The following SYNCRIP variants were observed in gnomAD, a reference collection of about 807,000 sequenced individuals.
The protein encoded by SYNCRIP is synaptotagmin binding cytoplasmic RNA interacting protein.
SYNCRIP carries 9 observed loss-of-function variants against 68.9 expected under a neutral mutation model. The observed-to-expected ratio is 0.13, with a 90% confidence interval of 0.08 to 0.23. SYNCRIP has a LOEUF of 0.23. Ranked by LOEUF, SYNCRIP falls within the 10% of genes least tolerant of loss-of-function variation. The pLI is 1.00. For missense variants in SYNCRIP, 414 were observed against 770.6 expected (o/e 0.54, Z 5.48); for synonymous variants, 258 against 254.0 (o/e 1.02, Z -0.15).
chr6:85,622,982 T>C (rs571332195), intron 7 of SYNCRIP, among the ~76,000 whole-genome samples: 24 of 152,236 alleles, frequency 1.6e-4, no homozygotes, highest in Non-Finnish European at 2.8e-4. Context: ...TTTCATATAA[T>C]TGTTCTAAGA....
intron 6 of SYNCRIP, among the ~76,000 whole-genome samples, chr6:85,626,484 C>A (rs754299991): frequency 2.9e-4 from 44 of 152,134 alleles, no homozygotes; most frequent in Non-Finnish European, 5.0e-4. Context: ...CTGGTATTTT[C>A]CAAATGTTCT....
intron 1 of SYNCRIP, 105 bp from the exon 2 acceptor site, chr6:85,641,556 G>C: frequency 8.8e-7 from 1 of 1,136,332 alleles, no homozygotes; most frequent in Non-Finnish European, 1.2e-6. Flanking sequence ...ACACCAGCTA[G>C]CCTATACCTC....
downstream of SYNCRIP, chr6:85,613,051 A>G (rs1305142181): frequency 6.2e-6 from 7 of 1,135,058 alleles, no homozygotes; most frequent in Non-Finnish European, 8.1e-6. Flanking sequence ...TAGCCAAAAA[A>G]GTTGCCTTTA....
chr6:85,640,753 C>G (rs886177214), intron 2 of SYNCRIP, among the ~76,000 whole-genome samples, 189 bp from the exon 3 acceptor site: 1 of 151,732 alleles, frequency 6.6e-6, no homozygotes, highest in Non-Finnish European at 1.5e-5. Context: ...CCCTACCAAC[C>G]ACACTTACAA....
intron 4 of SYNCRIP, 60 bp downstream of exon 4, chr6:85,640,161 A>T (rs1808962066): frequency 1.7e-6 from 2 of 1,174,864 alleles, no homozygotes; most frequent in Non-Finnish European, 2.5e-6. Flanking sequence ...AGGAATATTT[A>T]CCAAAATTAG....
In SYNCRIP at chr6:85,614,897, C is replaced by T; in HGVS notation, c.1731G>A (p.Arg577=). ...ADGYNQPDSK[R]RQTNNQNWGS... ...CCCAGTTCTGATTATTGGTCTGGCG[C>T]CGCTTGGAATCTGGCTGGTTGTACC... is the stretch of plus-strand genomic sequence containing the variant. Residue 577 remains arginine (R), a synonymous_variant, in exon 11 of 11, where the codon CGG becomes CGA. Coordinates refer to ENST00000369622, the MANE Select transcript of SYNCRIP (RefSeq NM_006372.5). 1 of 1,614,196 alleles carries T rather than the reference C, an allele frequency of 6.2e-7. No individual in the cohort carries two copies. Among genetic ancestry groups the T allele is most frequent in the Non-Finnish European group, 8.5e-7 (1 of 1,180,046 alleles).
intron 8 of SYNCRIP, among the ~76,000 whole-genome samples, chr6:85,620,851 A>C (rs997096360): frequency 2.6e-5 from 4 of 152,196 alleles, no homozygotes; most frequent in African/African-American, 9.6e-5. Context: ...ATAATTACCA[A>C]TTAGTAATTA....
At chr6:85,630,477 T>C (rs2128293749) in intron 6 of SYNCRIP, among the ~76,000 whole-genome samples, 1 of 152,362 alleles carries the variant, frequency 6.6e-6, no homozygotes, top group East Asian at 1.9e-4. Flanking sequence ...TTTAAGATTG[T>C]CATGGAATTG....
chr6:85,629,564 C>T (rs899231450), intron 6 of SYNCRIP, among the ~76,000 whole-genome samples: 10 of 149,500 alleles, frequency 6.7e-5, no homozygotes, highest in African/African-American at 2.0e-4. Flanking sequence ...TGGCTCATGC[C>T]TGTAATCCCA....
At chr6:85,612,000 C>G (rs1197613146), downstream of SYNCRIP, 1 of 152,146 alleles carries the variant, frequency 6.6e-6, no homozygotes, top group Non-Finnish European at 1.5e-5. Flanking sequence ...ACAAAAGTAA[C>G]ATCTTGCTAA....
At chr6:85,634,472 G>C (rs1196081754) in intron 6 of SYNCRIP, among the ~76,000 whole-genome samples, 6 of 152,144 alleles carry the variant, frequency 3.9e-5, no homozygotes, top group African/African-American at 1.4e-4. Flanking sequence ...CAGCACATAC[G>C]GGGGACTGAT....
chr6:85,636,704 A>C (rs1562109187), intron 6 of SYNCRIP, among the ~76,000 whole-genome samples: 1 of 152,208 alleles, frequency 6.6e-6, no homozygotes, highest in Non-Finnish European at 1.5e-5. Context: ...ATTTAAACAA[A>C]CACACAAAAA....
chr6:85,611,373 A>G (rs1805227638), downstream of SYNCRIP: 1 of 152,578 alleles, frequency 6.6e-6, no homozygotes, highest in South Asian at 2.1e-4. Context: ...GTTTGCCATG[A>G]GCATTTTGAA....
chr6:85,619,084 A>G (rs994602008), intron 9 of SYNCRIP, 145 bp from the exon 10 acceptor site: 25 of 1,168,674 alleles, frequency 2.1e-5, no homozygotes, highest in Non-Finnish European at 2.7e-5. Flanking sequence ...TTAAAGATGC[A>G]GATATTCAAT....
At chr6:85,624,133 T>G in intron 6 of SYNCRIP, 21 bp from the exon 7 acceptor site, 1 of 1,605,112 alleles carries the variant, frequency 6.2e-7, no homozygotes, top group Non-Finnish European at 8.5e-7. Context: ...AAAAAGTGCA[T>G]CATGTTTTTA....
At chr6:85,611,293 C>T (rs753990246), downstream of SYNCRIP, 1 of 152,414 alleles carries the variant, frequency 6.6e-6, no homozygotes, top group South Asian at 2.1e-4. Context: ...AACTTTATTA[C>T]AAAAATAAGT....
At chr6:85,619,720 A>T (rs893112505) in intron 8 of SYNCRIP, among the ~76,000 whole-genome samples, 2 of 152,162 alleles carry the variant, frequency 1.3e-5, no homozygotes, top group African/African-American at 4.8e-5. Flanking sequence ...AATGGCCAAA[A>T]TCCAACACAC....
At chr6:85,620,631 C>G (rs1806282140) in intron 8 of SYNCRIP, among the ~76,000 whole-genome samples, 1 of 152,140 alleles carries the variant, frequency 6.6e-6, no homozygotes, top group South Asian at 2.1e-4. Context: ...AGAGTGAGAC[C>G]TCATGTAAAC....
At chr6:85,635,774 CAAAA>C (rs58599854) in intron 6 of SYNCRIP, among the ~76,000 whole-genome samples, 835 of 78,926 alleles carry the variant, frequency 0.011, 5 homozygotes, top group African/African-American at 0.037. Flanking sequence ...TTCTATCTCC[CAAAA>C]AAAAAAAAAA....
Sources: allele counts gnomAD v4.1 joint callset (sites outside exome capture counted in the v4.1 genomes callset), GRCh38; gene constraint gnomAD v4.1.1; transcripts MANE v1.5; gene names NCBI Gene and HGNC (gene_info 2026-07-23, HGNC 2026-07-21).